Variants in ZNF697 observed in about 807,000 individuals in gnomAD.
ZNF697 encodes the protein zinc finger protein 697.
ZNF697 carries 23 observed loss-of-function variants against 32.4 expected under a neutral mutation model. The ratio of observed to expected loss-of-function variants is 0.71; its 90% CI spans 0.51 to 1.01. ZNF697 has a LOEUF of 1.01. Among genes scored for constraint, ZNF697 ranks in the 50% least tolerant of loss-of-function variants. The pLI, the probability that ZNF697 is intolerant of heterozygous loss-of-function variation, is 0.00. For synonymous variants in ZNF697, 418 were observed against 337.2 expected (o/e 1.24, Z -2.62); for missense variants, 930 against 794.0 (o/e 1.17, Z -2.06).
rs1367936559 is a variant in ZNF697 at position 119,623,102 on chromosome 1, C to T, written c.1241G>A (p.Cys414Tyr). Residue 414 changes from cysteine to tyrosine, a missense_variant, in exon 3 of 3, where the codon TGC (cysteine) becomes TAC (tyrosine). Coordinates refer to ENST00000421812, the MANE Select transcript of ZNF697 (RefSeq NM_001080470.2). ...TGEKPYMCSE[C>Y]GETFSVSSHL... ...CGAGCTGACGCTGAAGGTCTCGCCG[C>T]ACTCGGAGCACATGTAGGGCTTCTC... 1 of 1,588,890 alleles carries T rather than the reference C, an allele frequency of 6.3e-7. No homozygotes were observed. The highest frequency in any genetic ancestry group is 1.1e-5 in the South Asian group (1 of 87,872).
rs1648491429 is a variant in ZNF697 at position 119,624,041 on chromosome 1, G to A, written c.302C>T (p.Ala101Val). 7 of 1,612,014 alleles carry A rather than the reference G, an allele frequency of 4.3e-6. No homozygotes were observed. Among genetic ancestry groups the A allele is most frequent in the East Asian group, 2.2e-5 (1 of 44,716 alleles). Residue 101 changes from alanine (A) to valine (V), a missense_variant, in exon 3 of 3, where the codon GCG becomes GTG. Coordinates refer to ENST00000421812, the MANE Select transcript of ZNF697 (RefSeq NM_001080470.2). ...EDDQSGVADMAMFPGLSESDS... is the reference protein window; with the variant it reads ...EDDQSGVADMVMFPGLSESDS... ...AGACTCAGACAGTCCTGGGAACATC[G>A]CCATGTCAGCTACACCGGATTGGTC...
chr1:119,627,562 T>C (rs747027174), intron 1 of ZNF697, among the ~76,000 whole-genome samples: 1 of 152,222 alleles, frequency 6.6e-6, no homozygotes, highest in Non-Finnish European at 1.5e-5. Context: ...ATTTTTCCTC[T>C]TAAGTCCTGA....
intron 1 of ZNF697, among the ~76,000 whole-genome samples, chr1:119,641,370 TG>T (rs773503369): frequency 2.0e-5 from 3 of 151,948 alleles, no homozygotes; most frequent in East Asian, 1.9e-4. Context: ...AAGGAAAAGA[TG>T]GGGAAAGCTC....
At chr1:119,644,537 C>T (rs1557942844) in intron 1 of ZNF697, among the ~76,000 whole-genome samples, 2 of 152,182 alleles carry the variant, frequency 1.3e-5, no homozygotes, top group Non-Finnish European at 1.5e-5. Flanking sequence ...AGTCAGCAGA[C>T]GTAAATTCCA....
chr1:119,625,807 G>A, intron 2 of ZNF697, 68 bp downstream of exon 2: 1 of 1,565,302 alleles, frequency 6.4e-7, no homozygotes, highest in Admixed American at 1.9e-5. Flanking sequence ...CGCTAGTTAT[G>A]ATTCTAGAGG....
rs1228607408 is a variant in ZNF697 at position 119,648,041 on chromosome 1, G to C, written c.-388C>G. ...CCGATCAGCCCCATCCCCGGGAGGC[G>C]GTTGAGCCCAGCCACAGCCACGCTC... On this transcript the variant is annotated 5_prime_UTR_variant, in exon 1 of 3. Coordinates refer to ENST00000421812, the MANE Select transcript of ZNF697 (RefSeq NM_001080470.2). Among the ~76,000 whole-genome samples the C allele has an allele frequency of 6.6e-6, 1 of 152,210 alleles. No homozygotes were observed. Among genetic ancestry groups the C allele is most frequent in the Non-Finnish European group, 1.5e-5 (1 of 68,036 alleles).
At chr1:119,632,296 C>T (rs186572212) in intron 1 of ZNF697, among the ~76,000 whole-genome samples, 1 of 152,198 alleles carries the variant, frequency 6.6e-6, no homozygotes, top group Non-Finnish European at 1.5e-5. Context: ...GGCACAAACC[C>T]AGACTGCCCA....
At position 119,623,848 on chromosome 1, in the gene ZNF697, C is replaced by A. The variant is rs769891891; in HGVS notation, c.495G>T (p.Arg165=). The change falls in exon 3 of 3, where the codon CGG becomes CGT. Residue 165 remains arginine (R), a synonymous_variant. Coordinates refer to ENST00000421812, the MANE Select transcript of ZNF697 (RefSeq NM_001080470.2). ...GGTCCACGGCCATGGGGTGGTGGAG[C>A]CGGTGGAAGCGGCGGTGGGCGGGCT... ...GDKPAHRRFH[R]LHHPMAVDLG... is the part of the protein sequence containing the mutation. The A allele has an allele frequency of 6.5e-7, 1 of 1,543,002 alleles. No homozygotes were observed. Among genetic ancestry groups the A allele is most frequent in the South Asian group, 1.2e-5 (1 of 82,502 alleles).
At chr1:119,631,487 TG>T (rs1384998678) in intron 1 of ZNF697, among the ~76,000 whole-genome samples, 2 of 152,204 alleles carry the variant, frequency 1.3e-5, no homozygotes, top group African/African-American at 4.8e-5. Context: ...GCGTTAGGAC[TG>T]GAAGAGGAAG....
chr1:119,644,905 A>G (rs867177599), intron 1 of ZNF697, among the ~76,000 whole-genome samples: 1 of 152,236 alleles, frequency 6.6e-6, no homozygotes, highest in Non-Finnish European at 1.5e-5. Context: ...TAAAAATGGC[A>G]TGGTAAATGT....
At position 119,626,049 on chromosome 1, in the gene ZNF697, T is replaced by A. The variant is rs1171085841; in HGVS notation, c.52A>T (p.Lys18Ter). Reference protein sequence around the residue: ...GVCAHQDSEDKGMGSDFEDSE... With the variant: ...GVCAHQDSED ...TCCTCAAAATCAGAACCCATCCCTTTGTCTTCTGAGTCCTGGTGTGCACAG... is the reference window on the plus strand; with the variant it reads ...TCCTCAAAATCAGAACCCATCCCTTAGTCTTCTGAGTCCTGGTGTGCACAG... Residue 18 changes from lysine to a stop codon, truncating the protein, a stop_gained, in exon 2 of 3, where the codon AAA (lysine) becomes TAA (stop). Coordinates refer to ENST00000421812, the MANE Select transcript of ZNF697 (RefSeq NM_001080470.2). LOFTEE classifies it high-confidence loss of function. The A allele has an allele frequency of 1.9e-6, 3 of 1,613,920 alleles. No homozygotes were observed. Among genetic ancestry groups the A allele is most frequent in the Non-Finnish European group, 2.5e-6 (3 of 1,179,906 alleles).
In ZNF697 at chr1:119,623,343, T is replaced by C; in HGVS notation, c.1000A>G (p.Ser334Gly). The change falls in exon 3 of 3, where the codon AGC becomes GGC. Residue 334 changes from serine to glycine, a missense_variant. By Grantham distance (56) the Ser-to-Gly change is moderately conservative (BLOSUM62 0). Transcript: ENST00000421812. Reference sequence around the variant, plus strand: ...GCCGCCGCGTGCGCGCGCCGGTGGCTCAACAGATGCGAGCTGAGGCTGAAG... The same window carrying C: ...GCCGCCGCGTGCGCGCGCCGGTGGCCCAACAGATGCGAGCTGAGGCTGAAG... ...EAFSLSSHLL[S>G]HRRAHAAASG... 2 of 1,386,804 alleles carry C rather than the reference T, an allele frequency of 1.4e-6. No individual in the cohort carries two copies. The highest frequency in any genetic ancestry group is 1.6e-5 in the African/African-American group (1 of 63,162). The allele number at this position is 1,386,804 out of a possible 1,614,324, so 85.9% of individuals were successfully genotyped here. A position where few individuals can be genotyped will look rare whatever the true frequency, so the allele number is the denominator to read the frequency against.
rs58387828 is a variant in ZNF697 at position 119,633,356 on chromosome 1, A to ATGTGTGTGTGTG, written c.-37-7231_-37-7220dup. On this transcript the variant is annotated intron_variant, in intron 1 of 2. Coordinates refer to ENST00000421812, the MANE Select transcript of ZNF697 (RefSeq NM_001080470.2). ...GGGTCCTCCTAAGAGAACCAATAGG[A>ATGTGTGTGTGTG]TGTGTGTGTGTGTGTGTGTGTGTGT... Among the ~76,000 whole-genome samples the ATGTGTGTGTGTG allele has an allele frequency of 2.4e-3, 340 of 143,252 alleles. 3 individuals are homozygous for ATGTGTGTGTGTG. Among genetic ancestry groups the ATGTGTGTGTGTG allele is most frequent in the African/African-American group, 7.8e-3 (307 of 39,604 alleles). 94.0% of individuals were successfully genotyped at this position (143,252 alleles called of 152,430 possible).
At chr1:119,646,203 T>C (rs999211847) in intron 1 of ZNF697, among the ~76,000 whole-genome samples, 1 of 152,130 alleles carries the variant, frequency 6.6e-6, no homozygotes, top group Admixed American at 6.5e-5. Context: ...CTTTGTGTAA[T>C]GTAAAGGGCA....
chr1:119,646,240 T>C (rs189608795), intron 1 of ZNF697, among the ~76,000 whole-genome samples: 1 of 152,140 alleles, frequency 6.6e-6, no homozygotes, highest in East Asian at 1.9e-4. Context: ...ATGATCTTGT[T>C]CAATAGGATG....
chr1:119,631,760 C>A (rs1487123404), intron 1 of ZNF697, among the ~76,000 whole-genome samples: 4 of 152,158 alleles, frequency 2.6e-5, no homozygotes, highest in Middle Eastern at 3.2e-3. Context: ...GGCTCCCACT[C>A]GGGCCTCCAG....
In ZNF697 at chr1:119,623,299, C is replaced by A; in HGVS notation, c.1044G>T (p.Ala348=). 1 of 1,361,636 alleles carries A rather than the reference C, an allele frequency of 7.3e-7. No homozygotes were observed. Among genetic ancestry groups the A allele is most frequent in the Non-Finnish European group, 9.4e-7 (1 of 1,060,800 alleles). The allele number at this position is 1,361,636 out of a possible 1,614,324, so 84.3% of individuals were successfully genotyped here. ...AHAAASGAGA[A]ALRPFACGEC... Reference sequence around the variant, plus strand: ...CCCCGCAGGCGAAGGGCCGCAGCGCCGCCGCCCCCGCGCCGCTGGCCGCCG... The same window carrying A: ...CCCCGCAGGCGAAGGGCCGCAGCGCAGCCGCCCCCGCGCCGCTGGCCGCCG... Residue 348 remains alanine, a synonymous_variant, in exon 3 of 3, where the codon GCG becomes GCT. Coordinates refer to ENST00000421812, the MANE Select transcript of ZNF697 (RefSeq NM_001080470.2).
Position 119,622,583 on chromosome 1 carries a change from G to A in ZNF697, c.*122C>T. The A allele has an allele frequency of 5.6e-6, 8 of 1,420,770 alleles. No homozygotes were observed. Among genetic ancestry groups the A allele is most frequent in the Non-Finnish European group, 7.3e-6 (8 of 1,089,466 alleles). 88.0% of individuals were successfully genotyped at this position (1,420,770 alleles called of 1,614,324 possible). A position where few individuals can be genotyped will look rare whatever the true frequency, so the allele number is the denominator to read the frequency against. On this transcript the variant is annotated 3_prime_UTR_variant, in exon 3 of 3. Transcript: ENST00000421812. ...ACTTCAGGAAACCCCAAACACCAAA[G>A]GCTCCCCAGTCACTCTCAGATTGTC...
intron 1 of ZNF697, among the ~76,000 whole-genome samples, chr1:119,629,424 G>A (rs1217544858): frequency 6.6e-6 from 1 of 152,172 alleles, no homozygotes; most frequent in African/African-American, 2.4e-5. Context: ...TGTTTTCTTA[G>A]GCAAGGCTGG....
Sources: allele counts gnomAD v4.1 joint callset (sites outside exome capture counted in the v4.1 genomes callset), GRCh38; gene constraint gnomAD v4.1.1; transcripts MANE v1.5; gene names NCBI Gene and HGNC (gene_info 2026-07-23, HGNC 2026-07-21).